The following NLGN1 variants were observed in gnomAD, a reference collection of about 807,000 sequenced individuals.
NLGN1 encodes neuroligin-1.
Under a neutral mutation model 65.5 loss-of-function variants are expected in NLGN1, and 12 were observed. The observed-to-expected ratio is 0.18, with a 90% CI of 0.12 to 0.30. The LOEUF is 0.30. Among genes scored for constraint, NLGN1 ranks in the 10% least tolerant of loss-of-function variants. The pLI is 1.00. For synonymous variants in NLGN1, 350 were observed against 359.5 expected (o/e 0.97, Z 0.30); for missense variants, 750 against 1,007.1 (o/e 0.74, Z 3.46).
At chr3:173,528,951 G>A in intron 2 of NLGN1, among the ~76,000 whole-genome samples, 1 of 151,840 alleles carries the variant, frequency 6.6e-6, no homozygotes, top group Admixed American at 6.6e-5. Context: ...TTTCATTTTG[G>A]TTAGGGTCCA....
intron 4 of NLGN1, among the ~76,000 whole-genome samples, chr3:173,988,841 A>G (rs545280322): frequency 8.6e-5 from 13 of 151,376 alleles, no homozygotes; most frequent in East Asian, 3.9e-4. Flanking sequence ...TAATACCACT[A>G]CTCTCTCCTA....
chr3:173,957,734 G>A (rs934528237), intron 4 of NLGN1, among the ~76,000 whole-genome samples: 1 of 152,154 alleles, frequency 6.6e-6, no homozygotes, highest in Non-Finnish European at 1.5e-5. Flanking sequence ...ATGTAGATTT[G>A]GTAGTGTCAT....
intron 3 of NLGN1, among the ~76,000 whole-genome samples, chr3:173,664,313 A>G (rs1185465468): frequency 6.6e-6 from 1 of 152,070 alleles, no homozygotes; most frequent in Non-Finnish European, 1.5e-5. Flanking sequence ...AGCCCACAAC[A>G]TTTATTTAGA....
At chr3:173,851,816 G>A (rs1329552699) in intron 4 of NLGN1, among the ~76,000 whole-genome samples, 2 of 152,058 alleles carry the variant, frequency 1.3e-5, no homozygotes, top group Non-Finnish European at 2.9e-5. Context: ...TTTTCTGTTT[G>A]AGTCGAAGTC....
intron 4 of NLGN1, among the ~76,000 whole-genome samples, chr3:174,249,784 C>G (rs1475854322): frequency 6.6e-6 from 1 of 152,158 alleles, no homozygotes; most frequent in African/African-American, 2.4e-5. Context: ...GGGGAGTTTT[C>G]TCTCACTTTC....
chr3:173,846,733 C>T (rs191715745), intron 4 of NLGN1, among the ~76,000 whole-genome samples: 60 of 152,262 alleles, frequency 3.9e-4, no homozygotes, highest in Non-Finnish European at 7.5e-4. Context: ...ATCATTTGCT[C>T]AAGGGTAAAA....
intron 4 of NLGN1, among the ~76,000 whole-genome samples, chr3:173,856,775 A>G (rs1294492661): frequency 6.6e-6 from 1 of 152,160 alleles, no homozygotes; most frequent in Non-Finnish European, 1.5e-5. Flanking sequence ...TACTAGAGAG[A>G]AAAGTGAACA....
At chr3:173,656,049 A>G (rs567602784) in intron 3 of NLGN1, among the ~76,000 whole-genome samples, 1 of 152,264 alleles carries the variant, frequency 6.6e-6, no homozygotes, top group South Asian at 2.1e-4. Flanking sequence ...TCCATTGGTT[A>G]CTTGATGTAC....
intron 2 of NLGN1, among the ~76,000 whole-genome samples, chr3:173,570,042 AGATAAG>A (rs1374993704): frequency 2.6e-5 from 4 of 152,224 alleles, no homozygotes; most frequent in African/African-American, 9.6e-5. Context: ...ATATGATAAA[AGATAAG>A]GATAAGCATA....
At chr3:173,534,955 G>A (rs1431357473) in intron 2 of NLGN1, among the ~76,000 whole-genome samples, 1 of 152,100 alleles carries the variant, frequency 6.6e-6, no homozygotes, top group African/African-American at 2.4e-5. Flanking sequence ...TTAGTAAGCA[G>A]CTGTTATGTT....
intron 2 of NLGN1, among the ~76,000 whole-genome samples, chr3:173,533,893 G>T (rs1737023813): frequency 6.6e-6 from 1 of 151,974 alleles, no homozygotes; most frequent in African/African-American, 2.4e-5. Flanking sequence ...GAGGTGAGAA[G>T]ATTGCTTGAG....
At chr3:173,661,448 G>A (rs1274871778) in intron 3 of NLGN1, among the ~76,000 whole-genome samples, 1 of 151,958 alleles carries the variant, frequency 6.6e-6, no homozygotes, top group Non-Finnish European at 1.5e-5. Flanking sequence ...CAGGTTCTCA[G>A]CACTGGGTGA....
chr3:173,849,999 T>C (rs144092985), intron 4 of NLGN1, among the ~76,000 whole-genome samples: 304 of 152,250 alleles, frequency 2.0e-3, no homozygotes, highest in Non-Finnish European at 3.3e-3. Context: ...ATTTATTACA[T>C]ATATACACAT....
At chr3:173,505,011 A>C (rs961533045) in intron 2 of NLGN1, among the ~76,000 whole-genome samples, 2 of 151,942 alleles carry the variant, frequency 1.3e-5, no homozygotes, top group Middle Eastern at 3.2e-3. Context: ...CTCAAGTTTA[A>C]CAAGTCTATA....
chr3:173,721,450 C>A (rs1478659263), intron 3 of NLGN1, among the ~76,000 whole-genome samples: 6 of 152,172 alleles, frequency 3.9e-5, no homozygotes, highest in Admixed American at 2.0e-4. Context: ...CATAGCACTT[C>A]TTTGCTTTTT....
intron 3 of NLGN1, among the ~76,000 whole-genome samples, chr3:173,799,328 T>C (rs552341288): frequency 6.6e-6 from 1 of 152,160 alleles, no homozygotes; most frequent in South Asian, 2.1e-4. Context: ...GTATGTCAAT[T>C]ATGTGACACT....
At chr3:173,752,775 C>T (rs1776491342) in intron 3 of NLGN1, among the ~76,000 whole-genome samples, 1 of 152,080 alleles carries the variant, frequency 6.6e-6, no homozygotes. Flanking sequence ...TGCTACTGTT[C>T]ACCTGTCCAT....
At chr3:174,123,514 C>T (rs1172170419) in intron 4 of NLGN1, among the ~76,000 whole-genome samples, 1 of 152,094 alleles carries the variant, frequency 6.6e-6, no homozygotes, top group African/African-American at 2.4e-5. Context: ...TTCTTTCTAT[C>T]CTCTTGCTTC....
chr3:173,495,950 T>C (rs1013168152), intron 2 of NLGN1, among the ~76,000 whole-genome samples: 2 of 151,852 alleles, frequency 1.3e-5, no homozygotes, highest in South Asian at 4.1e-4. Context: ...AGTATAAGGT[T>C]TTTTGAGAAA....
Sources: allele counts gnomAD v4.1 joint callset (sites outside exome capture counted in the v4.1 genomes callset), GRCh38; gene constraint gnomAD v4.1.1; transcripts MANE v1.5; gene names NCBI Gene and HGNC (gene_info 2026-07-23, HGNC 2026-07-21).